The following ARHGEF7 variants were observed in gnomAD, a reference collection of about 807,000 sequenced individuals.
ARHGEF7 encodes PAK-interacting exchange factor beta.
A neutral mutation model predicts 109.8 loss-of-function variants in ARHGEF7; 33 were observed. The ratio of observed to expected loss-of-function variants is 0.30; its 90% CI spans 0.23 to 0.40. ARHGEF7 has a LOEUF of 0.40. Ranked by LOEUF, ARHGEF7 falls within the 10% of genes least tolerant of loss-of-function variation. The pLI is 1.00. For synonymous variants in ARHGEF7, 458 were observed against 424.6 expected (o/e 1.08, Z -0.97); for missense variants, 938 against 1,098.5 (o/e 0.85, Z 2.07).
chr13:111,282,244 C>T (rs1044092907), intron 15 of ARHGEF7, among the ~76,000 whole-genome samples: 1 of 152,144 alleles, frequency 6.6e-6, no homozygotes, highest in African/African-American at 2.4e-5. Context: ...CTCAGAATGC[C>T]GGCCCCACTC....
At chr13:111,190,299 G>A (rs958168737) in intron 2 of ARHGEF7, among the ~76,000 whole-genome samples, 4 of 152,292 alleles carry the variant, frequency 2.6e-5, no homozygotes, top group South Asian at 2.1e-4. Flanking sequence ...CCAGAGGTTC[G>A]TATAAGAGTT....
intron 2 of ARHGEF7, among the ~76,000 whole-genome samples, chr13:111,186,005 T>TGTGTGTGTGTGTGTG (rs1566745669): frequency 2.0e-5 from 3 of 148,654 alleles, no homozygotes; most frequent in Non-Finnish European, 3.0e-5. Context: ...TGTGTGTGTG[T>TGTGTGTGTGTGTGTG]TTTCGTTTTC....
intron 8 of ARHGEF7, among the ~76,000 whole-genome samples, chr13:111,261,533 A>G (rs2091091115): frequency 6.6e-6 from 1 of 152,236 alleles, no homozygotes; most frequent in African/African-American, 2.4e-5. Context: ...CACCACTTTC[A>G]GCACTGGACA....
rs1157087069 is a variant in ARHGEF7 at position 111,275,558 on chromosome 13, G to A, written c.1299G>A (p.Arg433=). 1 of 1,614,012 alleles carries A rather than the reference G, an allele frequency of 6.2e-7. No individual in the cohort carries two copies. Among genetic ancestry groups the A allele is most frequent in the Admixed American group, 1.7e-5 (1 of 60,026 alleles). Residue 433 remains arginine (R), a synonymous_variant, in exon 12 of 22, where the codon AGG becomes AGA. Coordinates refer to ENST00000646102, the MANE Select transcript of ARHGEF7 (RefSeq NM_001354046.2). ...CCCAATGTCAAGAAGTCCGGAAGAGGAAAGAGCTTGAGCTGCAGATCCTGA... is the reference window on the plus strand; with the variant it reads ...CCCAATGTCAAGAAGTCCGGAAGAGAAAAGAGCTTGAGCTGCAGATCCTGA... ...LSAQCQEVRK[R]KELELQILTE...
At chr13:111,133,801 AT>A (rs1566606949) in intron 1 of ARHGEF7, among the ~76,000 whole-genome samples, 1,379 of 33,592 alleles carry the variant, frequency 0.041, 108 homozygotes, top group Non-Finnish European at 0.047. Context: ...ATATATATAT[AT>A]ATATATATAT....
intron 1 of ARHGEF7, among the ~76,000 whole-genome samples, chr13:111,119,297 A>C (rs1260060899): frequency 6.6e-6 from 1 of 152,250 alleles, no homozygotes; most frequent in African/African-American, 2.4e-5. Context: ...ATCCTGAGAT[A>C]CTGGGGGTTA....
chr13:111,164,606 G>T (rs1324653665), intron 2 of ARHGEF7, among the ~76,000 whole-genome samples: 2 of 152,220 alleles, frequency 1.3e-5, no homozygotes, highest in African/African-American at 4.8e-5. Flanking sequence ...ACTTGGTCTA[G>T]CCTGCTGGTA....
At chr13:111,265,350 G>T in intron 8 of ARHGEF7, 4 of 354,756 alleles carry the variant, frequency 1.1e-5, no homozygotes, top group South Asian at 8.5e-5. Flanking sequence ...CAGTTACTAA[G>T]AAATGAATAA....
At chr13:111,251,506 G>A (rs2089768482) in intron 8 of ARHGEF7, among the ~76,000 whole-genome samples, 1 of 152,208 alleles carries the variant, frequency 6.6e-6, no homozygotes, top group Non-Finnish European at 1.5e-5. Flanking sequence ...AGTGGTCTGG[G>A]TGGGGCAGAG....
chr13:111,151,340 A>C lies in ARHGEF7; in HGVS notation c.166-2565A>C, dbSNP rs548997542. On this transcript the variant is annotated intron_variant, in intron 1 of 21. Transcript: ENST00000646102. ...GCCTGCAAGTTTAAAATTTGATTTC[A>C]TGCTGTACCGCCTTTTGAAACGTGC... Among the ~76,000 whole-genome samples, 4 of 152,324 alleles carry C rather than the reference A, an allele frequency of 2.6e-5. No individual in the cohort carries two copies. The South Asian group carries it at 8.3e-4, about 32-fold the overall frequency.
chr13:111,211,165 G>A (rs1348395759), intron 4 of ARHGEF7, among the ~76,000 whole-genome samples: 4 of 152,304 alleles, frequency 2.6e-5, no homozygotes, highest in South Asian at 2.1e-4. Context: ...CAGCAGCCCC[G>A]AGAGGCCTGG....
Position 111,275,585 on chromosome 13 carries a change from G to A in ARHGEF7, c.1326G>A (p.Thr442=), listed in dbSNP as rs528649351. 14 of 1,614,142 alleles carry A rather than the reference G, an allele frequency of 8.7e-6. No individual in the cohort carries two copies. Among genetic ancestry groups the A allele is most frequent in the East Asian group, 6.7e-5 (3 of 44,880 alleles). ...KRKELELQIL[T]EAIRNWEGDD... Reference sequence around the variant, plus strand: ...AAGAGCTTGAGCTGCAGATCCTGACGGAAGCCATCCGGAACTGGGAGGGCG... The same window carrying A: ...AAGAGCTTGAGCTGCAGATCCTGACAGAAGCCATCCGGAACTGGGAGGGCG... Residue 442 remains threonine (T), a synonymous_variant, in exon 12 of 22, where the codon ACG becomes ACA. Coordinates refer to ENST00000646102, the MANE Select transcript of ARHGEF7 (RefSeq NM_001354046.2).
At chr13:111,245,557 G>T (rs751582389) in intron 8 of ARHGEF7, among the ~76,000 whole-genome samples, 1 of 152,152 alleles carries the variant, frequency 6.6e-6, no homozygotes. Flanking sequence ...TCGTGTAGTT[G>T]TAAGAGGATC....
Position 111,305,291 on chromosome 13 carries a change from G to C in ARHGEF7, c.*2178G>C, listed in dbSNP as rs2093631172. On this transcript the variant is annotated 3_prime_UTR_variant, in exon 22 of 22. Transcript: ENST00000646102. The stretch of plus-strand genomic sequence containing the variant: ...AAAACCTGCCCTGTTGTATATAACT[G>C]TGTCTGTTTCACCGTGTGACCTCCC... 6.6e-6 allele frequency: 1 copy of C among 152,334 alleles called. No individual in the cohort carries two copies. The highest frequency in any genetic ancestry group is 2.1e-4 in the South Asian group (1 of 4,828). The allele number at this position is 152,334 out of a possible 1,614,324, so 9.4% of individuals were successfully genotyped here. A position where few individuals can be genotyped will look rare whatever the true frequency, so the allele number is the denominator to read the frequency against.
In ARHGEF7 at chr13:111,269,175, C is replaced by T. The variant is rs551579484; in HGVS notation, c.1073+1505C>T. Among the ~76,000 whole-genome samples, 8 of 152,284 alleles carry T rather than the reference C, an allele frequency of 5.3e-5. No homozygotes were observed. In the South Asian group the frequency reaches 1.2e-3, roughly 24 times the overall value. On this transcript the variant is annotated intron_variant, in intron 9 of 21. Transcript: ENST00000646102. ...CCCTACCCCTGGGCTGTGTCCACAG[C>T]GTCTCCAAGCGTCCAGCATGTTTCT...
chr13:111,291,593 G>A (rs2093287623), intron 18 of ARHGEF7, among the ~76,000 whole-genome samples: 2 of 152,272 alleles, frequency 1.3e-5, no homozygotes, highest in Admixed American at 6.5e-5. Context: ...TTGGCAAAGA[G>A]CCAGCTGAAA....
chr13:111,147,797 A>C (rs984389045), intron 1 of ARHGEF7, among the ~76,000 whole-genome samples: 1 of 140,592 alleles, frequency 7.1e-6, no homozygotes, highest in Non-Finnish European at 1.5e-5. Flanking sequence ...TCCCGGGTTC[A>C]CGCCATTCTC....
chr13:111,271,412 A>T (rs1356266166), intron 9 of ARHGEF7, among the ~76,000 whole-genome samples: 1 of 152,226 alleles, frequency 6.6e-6, no homozygotes, highest in Non-Finnish European at 1.5e-5. Context: ...ATAGGAACAC[A>T]TGCGGTGTGC....
At chr13:111,179,352 G>A (rs1350646730) in intron 2 of ARHGEF7, among the ~76,000 whole-genome samples, 2 of 152,110 alleles carry the variant, frequency 1.3e-5, no homozygotes, top group African/African-American at 2.4e-5. Context: ...CCGAAGTGCT[G>A]GGATTACAGG....
Sources: gnomAD v4.1 joint callset for allele counts (sites outside exome capture counted in the v4.1 genomes callset) on GRCh38, gnomAD v4.1.1 for gene constraint, MANE v1.5 for transcripts, NCBI Gene and HGNC (gene_info 2026-07-23, HGNC 2026-07-21) for gene names.